The following SLC28A1 variants were observed in gnomAD, a reference collection of about 807,000 sequenced individuals.
The protein encoded by SLC28A1 is sodium/nucleoside cotransporter 1.
In SLC28A1, 64 loss-of-function variants were observed where a neutral mutation model predicts 74.8. That is an observed-to-expected ratio of 0.86 (90% CI 0.70 to 1.05). The LOEUF (loss-of-function observed/expected upper bound fraction) is 1.05, where lower values mean the gene tolerates loss of function less well. Among genes scored for constraint, SLC28A1 ranks in the 50% least tolerant of loss-of-function variants. The pLI is 0.00. For missense variants in SLC28A1, 828 were observed against 822.8 expected, an observed-to-expected ratio of 1.01 and a Z score of -0.08; for synonymous variants, 359 against 335.0, an observed-to-expected ratio of 1.07 and a Z score of -0.78.
the SLC28A1 span, among the ~76,000 whole-genome samples, chr15:84,968,483 A>G: frequency 6.6e-6 from 1 of 152,244 alleles, no homozygotes; most frequent in Non-Finnish European, 1.5e-5. Context: ...TCTTCACGAC[A>G]TGGCAGCTGG....
chr15:84,963,666 C>T, the SLC28A1 span, among the ~76,000 whole-genome samples: 1 of 152,164 alleles, frequency 6.6e-6, no homozygotes, highest in South Asian at 2.1e-4. Flanking sequence ...TACACCAGGC[C>T]AGTCCATGAT....
chr15:84,926,958 G>C (rs926084114), intron 12 of SLC28A1, among the ~76,000 whole-genome samples: 1 of 152,106 alleles, frequency 6.6e-6, no homozygotes, highest in Non-Finnish European at 1.5e-5. Flanking sequence ...CCTTCACTCC[G>C]GATGCCTGGA....
At chr15:84,975,253 C>T in the SLC28A1 span, among the ~76,000 whole-genome samples, 1 of 152,190 alleles carries the variant, frequency 6.6e-6, no homozygotes, top group Non-Finnish European at 1.5e-5. Flanking sequence ...TCAAATCTGG[C>T]CACTTTAAAG....
At chr15:84,927,757 TG>T (rs1243005038) in intron 12 of SLC28A1, among the ~76,000 whole-genome samples, 4 of 152,134 alleles carry the variant, frequency 2.6e-5, no homozygotes, top group Non-Finnish European at 5.9e-5. Context: ...GACTGATAAA[TG>T]GGAGGGCAGG....
chr15:84,961,540 T>C, the SLC28A1 span: 5,769 of 453,604 alleles, frequency 0.013, 277 homozygotes, highest in African/African-American at 0.1. Flanking sequence ...GAGGTCTTGC[T>C]ATGTTGACCA....
intron 15 of SLC28A1, among the ~76,000 whole-genome samples, chr15:84,936,407 G>T (rs991069981): frequency 3.3e-5 from 5 of 152,020 alleles, no homozygotes; most frequent in African/African-American, 1.2e-4. Flanking sequence ...ACAGATGCCT[G>T]CCACCACGCT....
the SLC28A1 span, among the ~76,000 whole-genome samples, chr15:84,971,796 C>A: frequency 1.3e-5 from 2 of 152,108 alleles, no homozygotes; most frequent in Admixed American, 6.5e-5. Flanking sequence ...ACGCCAGGCA[C>A]GTGCCTCCAT....
chr15:84,934,545 C>T (rs1488297856), intron 13 of SLC28A1, among the ~76,000 whole-genome samples: 1 of 152,312 alleles, frequency 6.6e-6, no homozygotes, highest in African/African-American at 2.4e-5. Context: ...TCACAACTTT[C>T]TGAGGCACTG....
At chr15:84,906,577 C>G (rs62021373) in intron 8 of SLC28A1, among the ~76,000 whole-genome samples, 8,585 of 32,346 alleles carry the variant, frequency 0.27, 533 homozygotes, top group African/African-American at 0.35. Context: ...TTTCTTTCTT[C>G]CTTCCTTCCT....
chr15:84,910,527 G>A (rs1412916053), intron 9 of SLC28A1, among the ~76,000 whole-genome samples: 1 of 152,194 alleles, frequency 6.6e-6, no homozygotes, highest in African/African-American at 2.4e-5. Flanking sequence ...TTGGGAGTTT[G>A]AGACCAGCCT....
At chr15:84,916,045 C>G (rs1418118460) in intron 9 of SLC28A1, among the ~76,000 whole-genome samples, 2 of 151,866 alleles carry the variant, frequency 1.3e-5, no homozygotes, top group Admixed American at 6.6e-5. Context: ...TCACTGCAAC[C>G]TCTGCCTCCC....
chr15:84,974,393 G>A, the SLC28A1 span, among the ~76,000 whole-genome samples: 2 of 152,194 alleles, frequency 1.3e-5, no homozygotes, highest in Non-Finnish European at 2.9e-5. Context: ...GGCAGGCCAC[G>A]GTTGGCAACC....
chr15:84,894,938 A>T lies in SLC28A1; in HGVS notation c.278-2A>T, dbSNP rs867835439. 6.2e-7 allele frequency: 1 copy of T among 1,613,910 alleles called. No individual in the cohort carries two copies. Among genetic ancestry groups the T allele is most frequent in the Non-Finnish European group, 8.5e-7 (1 of 1,180,004 alleles). On this transcript the variant is annotated splice_acceptor_variant, in intron 5 of 18. Transcript: ENST00000394573. LOFTEE classifies it high-confidence loss of function. ...TGACCCCTCCTCTGTCTCATCCCCC[A>T]GGGCTCTCTGCCTTCCTGCTGGTGG... is the stretch of plus-strand genomic sequence containing the variant.
rs766246435 is a variant in SLC28A1 at position 84,910,952 on chromosome 15, G to A, written c.795+2157G>A. Among the ~76,000 whole-genome samples, 4 of 152,336 alleles carry A rather than the reference G, an allele frequency of 2.6e-5. No homozygotes were observed. In the East Asian group the frequency reaches 5.8e-4, roughly 22 times the overall value. The stretch of plus-strand genomic sequence containing the variant: ...GGACAGACTGAGCTAGGCAGGAAGA[G>A]GAAATGGCATGGGCAAAGCATGGAG... On this transcript the variant is annotated intron_variant, in intron 9 of 18. Transcript: ENST00000394573.
At chr15:84,920,463 AAAGGGG>A (rs58546184) in intron 10 of SLC28A1, among the ~76,000 whole-genome samples, 29 of 141,628 alleles carry the variant, frequency 2.0e-4, no homozygotes, top group South Asian at 4.8e-4. Context: ...AAAGGAAAGG[AAAGGGG>A]AAGGGGAAGG....
chr15:84,886,313 G>A (rs1013833253), intron 1 of SLC28A1: 6 of 985,044 alleles, frequency 6.1e-6, no homozygotes, highest in Non-Finnish European at 7.2e-6. Flanking sequence ...GATAGAGAAA[G>A]ATGCAAAATG....
Position 84,944,869 on chromosome 15 carries a change from T to G in SLC28A1, c.1874+2T>G. The G allele has an allele frequency of 6.3e-7, 1 of 1,598,248 alleles. No homozygotes were observed. The stretch of plus-strand genomic sequence containing the variant: ...GTGCTGCCGTGAGGCCTTCCAGAGG[T>G]GAGGGCCTGGGCTGTGGGACCTGCA... On this transcript the variant is annotated splice_donor_variant, in intron 18 of 18. Coordinates refer to ENST00000394573, the MANE Select transcript of SLC28A1 (RefSeq NM_004213.5). LOFTEE classifies it high-confidence loss of function.
intron 11 of SLC28A1, among the ~76,000 whole-genome samples, chr15:84,922,562 G>A (rs779656835): frequency 1.3e-5 from 2 of 152,108 alleles, no homozygotes; most frequent in African/African-American, 2.4e-5. Context: ...GGACACTGCC[G>A]TCTCCTCCTA....
the SLC28A1 span, among the ~76,000 whole-genome samples, chr15:84,956,480 T>TTTCTTTCC: frequency 1.0e-3 from 142 of 136,366 alleles, 1 homozygote; most frequent in African/African-American, 3.8e-3. Flanking sequence ...TCTTTCTTTC[T>TTTCTTTCC]TTCTTTCTTT....
Sources: allele counts gnomAD v4.1 joint callset (sites outside exome capture counted in the v4.1 genomes callset), GRCh38; gene constraint gnomAD v4.1.1; transcripts MANE v1.5; gene names NCBI Gene and HGNC (gene_info 2026-07-23, HGNC 2026-07-21).